The following JAG1 variants were observed in gnomAD, a reference collection of about 807,000 sequenced individuals.
JAG1 encodes protein jagged-1.
In JAG1, 23 loss-of-function variants were observed where a neutral mutation model predicts 148.7. That is an observed-to-expected ratio of 0.15 (90% CI 0.11 to 0.22). The LOEUF is 0.22. JAG1 is among the 10% of genes least tolerant of loss of function. The pLI is 1.00. For synonymous variants in JAG1, 572 were observed against 598.3 expected (o/e 0.96, Z 0.64); for missense variants, 1,054 against 1,611.2 (o/e 0.65, Z 5.92).
In JAG1 at chr20:10,638,307, A is replaced by G. The variant is rs1032539532; in HGVS notation, c.*1191T>C. On this transcript the variant is annotated 3_prime_UTR_variant, in exon 26 of 26. Coordinates refer to ENST00000254958, the MANE Select transcript of JAG1 (RefSeq NM_000214.3). ...GCAGTAGATTAAAAAAAAAAATCAA[A>G]TCTACAAGTGGTTCAGTATTATGTA... The G allele has an allele frequency of 1.3e-5, 2 of 152,562 alleles. No individual in the cohort carries two copies. Among genetic ancestry groups the G allele is most frequent in the African/African-American group, 4.8e-5 (2 of 41,424 alleles). The allele number at this position is 152,562 out of a possible 1,614,324, so 9.5% of individuals were successfully genotyped here.
At chr20:10,647,332 G>A in intron 13 of JAG1, 1 of 583,752 alleles carries the variant, frequency 1.7e-6, no homozygotes, top group South Asian at 1.9e-5. Flanking sequence ...ACACAACCAG[G>A]AAAACCCACA....
intron 2 of JAG1, among the ~76,000 whole-genome samples, chr20:10,670,211 G>A (rs1448547921): frequency 6.6e-6 from 1 of 152,126 alleles, no homozygotes; most frequent in Non-Finnish European, 1.5e-5. Flanking sequence ...TTGGATAGGG[G>A]TCATAATTCC....
chr20:10,658,300 G>A (rs770949003), intron 4 of JAG1, among the ~76,000 whole-genome samples, 168 bp downstream of exon 4: 3 of 152,046 alleles, frequency 2.0e-5, no homozygotes, highest in Non-Finnish European at 4.4e-5. Flanking sequence ...ATCTGGATGG[G>A]GCACCAACAG....
rs1314572630 is a variant in JAG1, at chr20:10,673,431, C to T, written c.81+19G>A. On this transcript the variant is annotated intron_variant, in intron 1 of 25. Transcript: ENST00000254958. This position sits in a 1 kb window ranked among gnomAD's most constrained non-coding sequence, Gnocchi z 4.7. ...AGGGAGAGGACGGCTGGGAGGGAGG[C>T]CCGGAGAAGGGCTCCTACCTTGGCT... is the stretch of plus-strand genomic sequence containing the variant. The T allele has an allele frequency of 2.1e-6, 3 of 1,442,410 alleles. No individual in the cohort carries two copies. The highest frequency in any genetic ancestry group is 2.7e-6 in the Non-Finnish European group (3 of 1,095,194). 89.4% of individuals were successfully genotyped at this position (1,442,410 alleles called of 1,614,324 possible).
intron 25 of JAG1, 25 bp from the exon 26 acceptor site, chr20:10,639,980 T>G (rs1460698762): frequency 6.4e-6 from 10 of 1,551,346 alleles, no homozygotes; most frequent in Non-Finnish European, 8.9e-6. Context: ...CAAAACCAAT[T>G]AACTCTCCAA....
At chr20:10,655,455 G>T (rs548631791) in intron 5 of JAG1, among the ~76,000 whole-genome samples, 3 of 152,162 alleles carry the variant, frequency 2.0e-5, no homozygotes, top group Non-Finnish European at 4.4e-5. Flanking sequence ...GCATCGCTTG[G>T]GAGCTTGTTA....
rs1479790705 is a variant in JAG1, at chr20:10,639,611, C to T, written c.3544G>A (p.Glu1182Lys). 5.6e-6 allele frequency: 9 copies of T among 1,614,224 alleles called. No homozygotes were observed. The highest frequency in any genetic ancestry group is 7.6e-6 in the Non-Finnish European group (9 of 1,180,022). The change falls in exon 26 of 26, where the codon GAA becomes AAA. Residue 1182 changes from glutamate to lysine, a missense_variant. Glu to Lys is a moderately conservative substitution (Grantham distance 56, BLOSUM62 1). Coordinates refer to ENST00000254958, the MANE Select transcript of JAG1 (RefSeq NM_000214.3). ...GGCGTGCCGTTGGGGGGCTTCTCTT[C>T]TCTGTCTACCAGCGTGTACGCCGGC... Reference protein sequence around the residue: ...KQPAYTLVDREEKPPNGTPTK... With the variant: ...KQPAYTLVDRKEKPPNGTPTK...
rs956076052 is a variant in JAG1 at position 10,648,447 on chromosome 20, G to C, written c.1569+102C>G. 61 of 1,004,526 alleles carry C rather than the reference G, an allele frequency of 6.1e-5. 2 individuals carry two copies. In the South Asian group the frequency reaches 6.6e-4, roughly 11 times the overall value. 62.2% of individuals were successfully genotyped at this position (1,004,526 alleles called of 1,614,324 possible). A position where few individuals can be genotyped will look rare whatever the true frequency, so the allele number is the denominator to read the frequency against. The stretch of plus-strand genomic sequence containing the variant: ...ATCAATAGGATGTTAATAGATGTTA[G>C]GAAATTCCAGACACAAGAGCTGAGG... On this transcript the variant is annotated intron_variant, in intron 12 of 25. Transcript: ENST00000254958.
rs560887345 is a variant in JAG1 at position 10,667,348 on chromosome 20, C to T, written c.388-3334G>A. Among the ~76,000 whole-genome samples the T allele has an allele frequency of 7.5e-4, 114 of 152,298 alleles. 1 individual carries two copies. The highest frequency in any genetic ancestry group is 3.4e-3 in the Middle Eastern group (1 of 294). On this transcript the variant is annotated intron_variant, in intron 2 of 25. Coordinates refer to ENST00000254958, the MANE Select transcript of JAG1 (RefSeq NM_000214.3). Reference sequence around the variant, plus strand: ...AGCTCTGCTGACTCAACTGTTGCTTCCTGTCGCTTGTCCTGTGTTAGCATT... The same window carrying T: ...AGCTCTGCTGACTCAACTGTTGCTTTCTGTCGCTTGTCCTGTGTTAGCATT...
At chr20:10,669,680 C>G in intron 2 of JAG1, among the ~76,000 whole-genome samples, 1 of 147,400 alleles carries the variant, frequency 6.8e-6, no homozygotes, top group Non-Finnish European at 1.5e-5. Context: ...TAACGTTTCT[C>G]TAGATTCATT....
rs1378373228 is a variant in JAG1 at position 10,649,047 on chromosome 20, A to G, written c.1395+14T>C. ...CAATTGTCAAAGTTTTGATTTAAGC[A>G]AAGATTTACATACCCGACAGGAGGC... On this transcript the variant is annotated intron_variant, in intron 11 of 25. Coordinates refer to ENST00000254958, the MANE Select transcript of JAG1 (RefSeq NM_000214.3). The G allele has an allele frequency of 1.9e-6, 3 of 1,600,272 alleles. No homozygotes were observed. Among genetic ancestry groups the G allele is most frequent in the Non-Finnish European group, 2.6e-6 (3 of 1,167,454 alleles).
At chr20:10,646,232 G>A in intron 14 of JAG1, 148 bp from the exon 15 acceptor site, 2 of 684,086 alleles carry the variant, frequency 2.9e-6, no homozygotes, top group Non-Finnish European at 5.3e-6. Flanking sequence ...TCTCAAATTA[G>A]ACAGGCGGCT....
chr20:10,646,687 G>A lies in JAG1; in HGVS notation c.1885+252C>T, dbSNP rs73243764. On this transcript the variant is annotated intron_variant, in intron 14 of 25. Coordinates refer to ENST00000254958, the MANE Select transcript of JAG1 (RefSeq NM_000214.3). Reference sequence around the variant, plus strand: ...ATTAGCTGGGCGTGGTGGGCGTGGTGCGCATGCCTGTAATCCCAGCTACTC... The same window carrying A: ...ATTAGCTGGGCGTGGTGGGCGTGGTACGCATGCCTGTAATCCCAGCTACTC... 0.081 allele frequency among the ~76,000 whole-genome samples: 12,372 copies of A among 152,086 alleles called. 1,588 individuals carry two copies. The highest frequency in any genetic ancestry group is 0.28 in the African/African-American group (11,460 of 41,458).
chr20:10,641,022 CT>C (rs939864693), intron 24 of JAG1, 89 bp from the exon 25 acceptor site: 4 of 1,611,444 alleles, frequency 2.5e-6, no homozygotes, highest in Admixed American at 1.7e-5. Context: ...GTCTGCAAAG[CT>C]TTTTGTCAGT....
chr20:10,661,148 C>T (rs897150992), intron 3 of JAG1, among the ~76,000 whole-genome samples: 15 of 152,124 alleles, frequency 9.9e-5, no homozygotes, highest in African/African-American at 3.1e-4. Context: ...CTTTGGAGGA[C>T]CGATGACAGA....
rs747239466 is a variant in JAG1 at position 10,645,198 on chromosome 20, C to A, written c.2172G>T (p.Gly724=). ...CAGGACACATGCACTTAAAAGCATCCCCCTCATCATAGCAGGTGCCACCGT... is the reference window on the plus strand; with the variant it reads ...CAGGACACATGCACTTAAAAGCATCACCCTCATCATAGCAGGTGCCACCGT... ...CNNGGTCYDE[G]DAFKCMCPGG... Residue 724 remains glycine (G), a synonymous_variant, in exon 17 of 26, where the codon GGG becomes GGT. Coordinates refer to ENST00000254958, the MANE Select transcript of JAG1 (RefSeq NM_000214.3). This position sits in a 1 kb window ranked among gnomAD's most constrained non-coding sequence, Gnocchi z 6.1. 5.0e-6 allele frequency: 8 copies of A among 1,614,106 alleles called. No homozygotes were observed.
At chr20:10,648,150 A>T (rs377279630) in intron 12 of JAG1, 40 bp from the exon 13 acceptor site, 6 of 1,613,192 alleles carry the variant, frequency 3.7e-6, no homozygotes, top group Non-Finnish European at 4.2e-6. Flanking sequence ...GAGGGATCAG[A>T]GTAAAACAAA....
In JAG1 at chr20:10,641,584, G is replaced by A. The variant is rs368032094; in HGVS notation, c.2792C>T (p.Thr931Ile). Reference sequence around the variant, plus strand: ...GGAAGACCGACACTCGCCCACACCAGTGCAGGGGTGGACGAAGCACTGGTC... The same window carrying A: ...GGAAGACCGACACTCGCCCACACCAATGCAGGGGTGGACGAAGCACTGGTC... ...LDDQCFVHPCTGVGECRSSSL... is the reference protein window; with the variant it reads ...LDDQCFVHPCIGVGECRSSSL... Residue 931 changes from threonine (T) to isoleucine (I), a missense_variant, in exon 23 of 26, where the codon ACT becomes ATT. Thr to Ile is a moderately conservative substitution (Grantham distance 89). Coordinates refer to ENST00000254958, the MANE Select transcript of JAG1 (RefSeq NM_000214.3). 19 of 1,614,098 alleles carry A rather than the reference G, an allele frequency of 1.2e-5. No homozygotes were observed. Among genetic ancestry groups the A allele is most frequent in the Admixed American group, 1.7e-5 (1 of 60,010 alleles).
rs1173710721 is a variant in JAG1, at chr20:10,668,114, A to T, written c.388-4100T>A. Among the ~76,000 whole-genome samples, 66 of 132,992 alleles carry T rather than the reference A, an allele frequency of 5.0e-4. 1 individual carries two copies. The South Asian group carries it at 0.016, about 33-fold the overall frequency. The allele number at this position is 132,992 out of a possible 152,430, so 87.2% of individuals were successfully genotyped here. A position where few individuals can be genotyped will look rare whatever the true frequency, so the allele number is the denominator to read the frequency against. ...CCATAAAAAAAAAAAAAAAAAAAAA[A>T]AACAGCAGTCACAGGGCTGCTGTGG... is the stretch of plus-strand genomic sequence containing the variant. On this transcript the variant is annotated intron_variant, in intron 2 of 25. Coordinates refer to ENST00000254958, the MANE Select transcript of JAG1 (RefSeq NM_000214.3).
Sources: gnomAD v4.1 joint callset for allele counts (sites outside exome capture counted in the v4.1 genomes callset) on GRCh38, gnomAD v4.1.1 for gene constraint, Gnocchi (gnomAD v3.1) non-coding constraint, MANE v1.5 for transcripts, NCBI Gene and HGNC (gene_info 2026-07-23, HGNC 2026-07-21) for gene names.